The following AMELY variants were observed in gnomAD, a reference collection of about 807,000 sequenced individuals.
AMELY encodes the protein amelogenin Y-linked, also known as amelogenin, Y isoform.
In AMELY, 4 loss-of-function variants were observed where a neutral mutation model predicts 4.2. The ratio of observed to expected loss-of-function variants is 0.96; its 90% CI spans 0.47 to 2.19. The LOEUF (loss-of-function observed/expected upper bound fraction) is 2.19, where lower values mean the gene tolerates loss of function less well. Ranked by LOEUF, AMELY falls within the 30% of genes most tolerant of loss-of-function variation. The pLI, the probability that AMELY is intolerant of heterozygous loss-of-function variation, is 0.02. For missense variants in AMELY, 32 were observed against 41.5 expected, an observed-to-expected ratio of 0.77 and a Z score of 0.63; for synonymous variants, 11 against 14.7, an observed-to-expected ratio of 0.75 and a Z score of 0.57.
At chrY:6,872,135 C>T in intron 3 of AMELY, among the ~76,000 whole-genome samples, 1 of 32,653 alleles carries the variant, frequency 3.1e-5, no homozygotes, top group Non-Finnish European at 7.4e-5. Flanking sequence ...AAATCAGAAC[C>T]TCTAGTGGAG....
intron 1 of AMELY, among the ~76,000 whole-genome samples, chrY:6,884,957 G>C: frequency 5.9e-5 from 2 of 33,721 alleles, no homozygotes; most frequent in East Asian, 1.6e-3. Context: ...AGATATATAT[G>C]AGGTCAACAG....
At chrY:6,889,495 T>A in intron 1 of AMELY, among the ~76,000 whole-genome samples, 2 of 32,595 alleles carry the variant, frequency 6.1e-5, no homozygotes. Flanking sequence ...CTTAAAAAAT[T>A]TTTGGGCTGG....
intron 1 of AMELY, among the ~76,000 whole-genome samples, chrY:6,905,468 TTC>T (rs2011659955): frequency 3.2e-5 from 1 of 31,648 alleles, no homozygotes. Flanking sequence ...TTCTCTTTCT[TTC>T]TTTCTTTCTT....
At chrY:6,898,487 T>A in intron 1 of AMELY, among the ~76,000 whole-genome samples, 1 of 33,158 alleles carries the variant, frequency 3.0e-5, no homozygotes, top group Non-Finnish European at 7.4e-5. Flanking sequence ...GCTCAAGCTG[T>A]CAGTCAGAAG....
intron 1 of AMELY, among the ~76,000 whole-genome samples, chrY:6,882,713 T>C: frequency 3.1e-5 from 1 of 32,701 alleles, no homozygotes; most frequent in Non-Finnish European, 7.5e-5. Context: ...AAAGGGCTAG[T>C]ATCTAGAATC....
chrY:6,875,535 A>T (rs2054071361), intron 1 of AMELY, among the ~76,000 whole-genome samples: 2 of 33,431 alleles, frequency 6.0e-5, no homozygotes, highest in South Asian at 1.3e-3. Flanking sequence ...GGCAACACAG[A>T]TGAGTTAAAG....
intron 1 of AMELY, among the ~76,000 whole-genome samples, chrY:6,885,380 C>G (rs983156920): frequency 5.9e-5 from 2 of 34,030 alleles, no homozygotes; most frequent in East Asian, 7.9e-4. Flanking sequence ...GAGGCTGAGG[C>G]AGGAGAATGG....
chrY:6,910,666 C>T (rs893297657), intron 1 of AMELY: 3 of 60,245 alleles, frequency 5.0e-5, no homozygotes, highest in Non-Finnish European at 3.3e-5. Flanking sequence ...CCCTCTGTCG[C>T]TGCAGCCGCC....
At chrY:6,884,829 C>T (rs2124082757) in intron 1 of AMELY, among the ~76,000 whole-genome samples, 3 of 33,290 alleles carry the variant, frequency 9.0e-5, no homozygotes, top group East Asian at 7.9e-4. Flanking sequence ...AGTTATAAAT[C>T]GTCCATCTGA....
chrY:6,909,141 G>A, intron 1 of AMELY, among the ~76,000 whole-genome samples: 1 of 33,621 alleles, frequency 3.0e-5, no homozygotes, highest in African/African-American at 1.2e-4. Flanking sequence ...GGACGGTTTG[G>A]CTGTGCAGCT....
chrY:6,868,774 C>T lies in AMELY; in HGVS notation c.105G>A (p.Val35=), dbSNP rs1429969036. The T allele has an allele frequency of 2.6e-6, 1 of 391,562 alleles. No individual in the cohort carries two copies. Among genetic ancestry groups the T allele is most frequent in the Non-Finnish European group, 3.6e-6 (1 of 277,220 alleles). ...HPGYINFSYE[V]LTPLKWYQSM... ...TCTGGTACCACTTCAAAGGGGTGAG[C>T]ACCTTAAGAGAAAGATATATTAGAA... The change falls in exon 5 of 7, where the codon GTG becomes GTA. Residue 35 remains valine, a splice_region_variant and synonymous_variant. Coordinates refer to ENST00000651267, the MANE Select transcript of AMELY (RefSeq NM_001143.2).
At chrY:6,908,565 A>AACAC (rs757776328) in intron 1 of AMELY, among the ~76,000 whole-genome samples, 1 of 30,752 alleles carries the variant, frequency 3.3e-5, no homozygotes, top group Non-Finnish European at 7.9e-5. Context: ...AAATAACTGG[A>AACAC]ACACACACAC....
At chrY:6,882,661 C>T in intron 1 of AMELY, among the ~76,000 whole-genome samples, 1 of 32,896 alleles carries the variant, frequency 3.0e-5, no homozygotes, top group African/African-American at 1.2e-4. Flanking sequence ...GAACAGGCAA[C>T]CTACAGAATG....
At chrY:6,892,502 C>A in intron 1 of AMELY, among the ~76,000 whole-genome samples, 1 of 33,339 alleles carries the variant, frequency 3.0e-5, no homozygotes. Flanking sequence ...GTATGGTGTG[C>A]ACTCAGGCAA....
At chrY:6,904,470 A>G (rs1603023340) in intron 1 of AMELY, among the ~76,000 whole-genome samples, 1 of 33,091 alleles carries the variant, frequency 3.0e-5, no homozygotes, top group East Asian at 8.0e-4. Context: ...GGGATATCCT[A>G]GAAAGGGGCT....
At chrY:6,895,867 A>G in intron 1 of AMELY, among the ~76,000 whole-genome samples, 1 of 33,245 alleles carries the variant, frequency 3.0e-5, no homozygotes. Context: ...TTTTCACGAT[A>G]TTGATTCTTC....
intron 1 of AMELY, among the ~76,000 whole-genome samples, chrY:6,887,799 AATG>A (rs2054080972): frequency 6.0e-5 from 2 of 33,072 alleles, no homozygotes; most frequent in Admixed American, 2.8e-4. Context: ...GTTTGCTGAG[AATG>A]ATGATTTCCA....
intron 1 of AMELY, among the ~76,000 whole-genome samples, chrY:6,907,903 TG>T (rs2011669352): frequency 3.1e-5 from 1 of 32,041 alleles, no homozygotes; most frequent in Admixed American, 2.9e-4. Flanking sequence ...CCCAGGCTGG[TG>T]GCCTGATCTC....
intron 1 of AMELY, among the ~76,000 whole-genome samples, chrY:6,885,141 A>T (rs2054078242): frequency 5.9e-5 from 2 of 33,991 alleles, no homozygotes; most frequent in African/African-American, 1.1e-4. Context: ...GTTGGAATAT[A>T]AGTTAGTTCA....
Sources: allele counts gnomAD v4.1 joint callset (sites outside exome capture counted in the v4.1 genomes callset), GRCh38; gene constraint gnomAD v4.1.1; transcripts MANE v1.5; gene names NCBI Gene and HGNC (gene_info 2026-07-23, HGNC 2026-07-21).